The following TDRD5 variants were observed in gnomAD, a reference collection of about 807,000 sequenced individuals.
TDRD5 encodes the protein tudor domain-containing protein 5.
A neutral mutation model predicts 120.6 loss-of-function variants in TDRD5; 41 were observed. The ratio of observed to expected loss-of-function variants is 0.34; its 90% confidence interval spans 0.26 to 0.44. The LOEUF (loss-of-function observed/expected upper bound fraction) is 0.44. TDRD5 is among the 20% of genes least tolerant of loss of function. TDRD5 has a pLI of 1.00. For synonymous variants in TDRD5, 430 were observed against 433.7 expected (o/e 0.99, Z 0.11); for missense variants, 1,006 against 1,221.2 (o/e 0.82, Z 2.63).
At chr1:179,671,024 G>A (rs934464153) in intron 17 of TDRD5, among the ~76,000 whole-genome samples, 3 of 152,122 alleles carry the variant, frequency 2.0e-5, no homozygotes, top group Admixed American at 6.5e-5. Context: ...GTTAATATTT[G>A]TATAGGGTAT....
At chr1:179,605,702 T>C (rs760185869) in intron 4 of TDRD5, among the ~76,000 whole-genome samples, 4 of 152,230 alleles carry the variant, frequency 2.6e-5, no homozygotes, top group Non-Finnish European at 5.9e-5. Context: ...GAGAGTCATA[T>C]AGTTGGACTT....
chr1:179,687,203 C>G (rs1203740711), intron 17 of TDRD5, among the ~76,000 whole-genome samples: 1 of 152,214 alleles, frequency 6.6e-6, no homozygotes, highest in African/African-American at 2.4e-5. Context: ...TCCCTCTACA[C>G]ACTGCTTTAA....
At chr1:179,673,793 A>C (rs949705694) in intron 17 of TDRD5, among the ~76,000 whole-genome samples, 2 of 152,076 alleles carry the variant, frequency 1.3e-5, no homozygotes, top group African/African-American at 4.8e-5. Flanking sequence ...AGTTTTCCTT[A>C]GTGATTTTGG....
intron 6 of TDRD5, among the ~76,000 whole-genome samples, chr1:179,627,131 G>A (rs2101988752): frequency 1.3e-5 from 2 of 152,306 alleles, no homozygotes; most frequent in East Asian, 1.9e-4. Flanking sequence ...CTCAAAACAT[G>A]AGCCAAAGAT....
chr1:179,611,610 T>C (rs1270599779), intron 4 of TDRD5, among the ~76,000 whole-genome samples: 3 of 152,170 alleles, frequency 2.0e-5, no homozygotes, highest in Non-Finnish European at 4.4e-5. Context: ...TTAATTATAA[T>C]GTATATTTCT....
intron 14 of TDRD5, 83 bp from the exon 15 acceptor site, chr1:179,662,021 G>GA: frequency 7.5e-7 from 1 of 1,336,676 alleles, no homozygotes; most frequent in Non-Finnish European, 9.8e-7. Context: ...CTGGAGTCAG[G>GA]AAAAAACTAT....
chr1:179,685,663 C>T (rs1036734571), intron 17 of TDRD5, among the ~76,000 whole-genome samples: 1 of 152,130 alleles, frequency 6.6e-6, no homozygotes, highest in African/African-American at 2.4e-5. Flanking sequence ...ATTGATTCTT[C>T]CTATCCATGA....
intron 14 of TDRD5, among the ~76,000 whole-genome samples, chr1:179,656,018 CT>C (rs540963217): frequency 6.6e-6 from 1 of 152,084 alleles, no homozygotes; most frequent in Non-Finnish European, 1.5e-5. Flanking sequence ...GTATGTCAAA[CT>C]TTTTTCCAGA....
At chr1:179,651,219 TAATTTTC>T in intron 12 of TDRD5, 152 bp downstream of exon 12, 1 of 782,892 alleles carries the variant, frequency 1.3e-6, no homozygotes, top group East Asian at 2.7e-5. Flanking sequence ...AGAGCACTCT[TAATTTTC>T]AGATGACCAC....
intron 4 of TDRD5, among the ~76,000 whole-genome samples, chr1:179,603,439 A>G (rs1416707578): frequency 6.6e-6 from 1 of 152,142 alleles, no homozygotes; most frequent in Middle Eastern, 3.2e-3. Context: ...GAGAGTGGGC[A>G]TCTTTGTCAT....
chr1:179,650,823 G>C (rs754231959), intron 11 of TDRD5, 44 bp from the exon 12 acceptor site: 2 of 1,589,220 alleles, frequency 1.3e-6, no homozygotes, highest in South Asian at 2.2e-5. Context: ...TATAATTCAT[G>C]TTTAGATCTA....
intron 2 of TDRD5, 58 bp from the exon 3 acceptor site, chr1:179,593,402 G>A (rs1383020278): frequency 2.5e-5 from 38 of 1,535,008 alleles, no homozygotes; most frequent in Non-Finnish European, 3.4e-5. Context: ...CAGATACTAA[G>A]GATAAAGAAG....
chr1:179,629,524 C>G (rs1677319517), intron 6 of TDRD5, among the ~76,000 whole-genome samples: 1 of 152,096 alleles, frequency 6.6e-6, no homozygotes, highest in African/African-American at 2.4e-5. Flanking sequence ...TTAGATGTAG[C>G]AGGTTTTGTT....
intron 4 of TDRD5, among the ~76,000 whole-genome samples, chr1:179,614,205 A>G (rs1169852057): frequency 2.0e-5 from 3 of 152,196 alleles, no homozygotes; most frequent in African/African-American, 4.8e-5. Context: ...AAAAATTAAA[A>G]TCATTCTGGT....
chr1:179,649,419 T>C (rs924863819), intron 11 of TDRD5, among the ~76,000 whole-genome samples: 2 of 152,176 alleles, frequency 1.3e-5, no homozygotes, highest in Non-Finnish European at 2.9e-5. Flanking sequence ...TCTATCGTAT[T>C]TTACATCTGT....
Position 179,618,435 on chromosome 1 carries a change from G to A in TDRD5, c.832-164G>A, listed in dbSNP as rs573168744. Among the ~76,000 whole-genome samples the A allele has an allele frequency of 2.0e-4, 30 of 152,234 alleles. 1 individual carries two copies. In the South Asian group the frequency reaches 3.1e-3, roughly 16 times the overall value. ...ATTCTATCTACTCTAAGTGTATTTT[G>A]TATGGTATGAAATGCTACAGTTCCT... On this transcript the variant is annotated intron_variant, in intron 4 of 17. Coordinates refer to ENST00000444136, the MANE Select transcript of TDRD5 (RefSeq NM_001199085.3).
At chr1:179,628,296 AATTT>A (rs1324774687) in intron 6 of TDRD5, among the ~76,000 whole-genome samples, 9 of 148,200 alleles carry the variant, frequency 6.1e-5, no homozygotes, top group Admixed American at 1.4e-4. Context: ...GAAATATATC[AATTT>A]ATTTATTTCT....
At chr1:179,616,087 A>G (rs186037423) in intron 4 of TDRD5, among the ~76,000 whole-genome samples, 3 of 152,130 alleles carry the variant, frequency 2.0e-5, no homozygotes, top group African/African-American at 7.2e-5. Context: ...TTAAAAATAT[A>G]ACCATTCTTA....
chr1:179,662,703 C>T (rs1679377722), intron 15 of TDRD5, among the ~76,000 whole-genome samples: 1 of 152,160 alleles, frequency 6.6e-6, no homozygotes, highest in East Asian at 1.9e-4. Flanking sequence ...AAGTATTTAT[C>T]AGGCCATAAT....
Sources: allele counts gnomAD v4.1 joint callset (sites outside exome capture counted in the v4.1 genomes callset), GRCh38; gene constraint gnomAD v4.1.1; transcripts MANE v1.5; gene names NCBI Gene and HGNC (gene_info 2026-07-23, HGNC 2026-07-21).